GRK5: variants seen among roughly 807,000 people sequenced by gnomAD.
GRK5 encodes G protein-coupled receptor kinase 5.
In GRK5, 40 loss-of-function variants were observed where a neutral mutation model predicts 78.4. The observed-to-expected ratio is 0.51, with a 90% confidence interval of 0.40 to 0.66. The LOEUF is 0.66. Ranked by LOEUF, GRK5 falls within the 30% of genes least tolerant of loss-of-function variation. The pLI is 0.00. For missense variants in GRK5, 598 were observed against 759.9 expected (o/e 0.79, Z 2.50); for synonymous variants, 289 against 296.8 (o/e 0.97, Z 0.27).
intron 1 of GRK5, among the ~76,000 whole-genome samples, chr10:119,294,797 C>T (rs1489036316): frequency 1.3e-5 from 2 of 152,108 alleles, no homozygotes; most frequent in Non-Finnish European, 2.9e-5. Flanking sequence ...TTACATATTG[C>T]CTATGGCTGT....
At chr10:119,310,775 G>A (rs1472260505) in intron 1 of GRK5, among the ~76,000 whole-genome samples, 1 of 152,210 alleles carries the variant, frequency 6.6e-6, no homozygotes, top group East Asian at 1.9e-4. Context: ...CACACAGTGC[G>A]AGGGCTTCAA....
chr10:119,444,563 C>G (rs929765905), intron 12 of GRK5, among the ~76,000 whole-genome samples: 2 of 152,226 alleles, frequency 1.3e-5, no homozygotes, highest in South Asian at 2.1e-4. Flanking sequence ...TGGGGCCCTC[C>G]TCCTTATGGT....
chr10:119,415,899 G>A (rs1480316512), intron 4 of GRK5, among the ~76,000 whole-genome samples: 4 of 152,242 alleles, frequency 2.6e-5, no homozygotes, highest in Non-Finnish European at 5.9e-5. Flanking sequence ...GAAGGGCTGA[G>A]CCCTGAGGGG....
intron 4 of GRK5, among the ~76,000 whole-genome samples, chr10:119,403,831 C>T (rs561100136): frequency 6.6e-6 from 1 of 152,200 alleles, no homozygotes; most frequent in African/African-American, 2.4e-5. Flanking sequence ...ATGGGGTTTT[C>T]GCCACTTTGG....
intron 8 of GRK5, among the ~76,000 whole-genome samples, chr10:119,433,962 A>T (rs1589808213): frequency 6.6e-6 from 1 of 152,244 alleles, no homozygotes; most frequent in Admixed American, 6.5e-5. Flanking sequence ...GTGGCTGGGG[A>T]GGCCTCACAA....
chr10:119,381,073 G>A (rs1851702715), intron 3 of GRK5, 146 bp downstream of exon 3: 3 of 567,186 alleles, frequency 5.3e-6, no homozygotes, highest in Non-Finnish European at 9.5e-6. Flanking sequence ...CTTTGATTAG[G>A]AATGCAAAAT....
chr10:119,380,792 C>T (rs1221855052), intron 2 of GRK5, 23 bp from the exon 3 acceptor site: 1 of 1,482,910 alleles, frequency 6.7e-7, no homozygotes, highest in Non-Finnish European at 9.4e-7. Context: ...GGTCTCATCA[C>T]ATTCTTCTTT....
chr10:119,221,984 G>C (rs1339841000), intron 1 of GRK5, among the ~76,000 whole-genome samples: 1 of 152,164 alleles, frequency 6.6e-6, no homozygotes, highest in Non-Finnish European at 1.5e-5. Flanking sequence ...GATTTTGCAT[G>C]TGTAAATCAG....
At chr10:119,313,040 G>GGTA (rs1850399405) in intron 1 of GRK5, among the ~76,000 whole-genome samples, 1 of 151,370 alleles carries the variant, frequency 6.6e-6, no homozygotes, top group Non-Finnish European at 1.5e-5. Flanking sequence ...CAGTGGTGAT[G>GGTA]GTGGTGGTGG....
chr10:119,215,994 A>G (rs971556354), intron 1 of GRK5, among the ~76,000 whole-genome samples: 3 of 152,244 alleles, frequency 2.0e-5, no homozygotes, highest in African/African-American at 7.2e-5. Flanking sequence ...TAAAGATGCC[A>G]AAGAAACTCA....
intron 1 of GRK5, among the ~76,000 whole-genome samples, chr10:119,239,236 GTTT>G (rs569617800): frequency 2.2e-5 from 3 of 138,808 alleles, no homozygotes; most frequent in African/African-American, 5.3e-5. Context: ...GGAGCAGAAG[GTTT>G]TTTTTTTTTT....
intron 1 of GRK5, among the ~76,000 whole-genome samples, chr10:119,244,436 G>C (rs768400714): frequency 9.2e-5 from 14 of 152,226 alleles, no homozygotes; most frequent in Non-Finnish European, 1.5e-4. Context: ...GAATTGAACA[G>C]ACATTTCTCC....
At chr10:119,223,642 G>A (rs7921442) in intron 1 of GRK5, among the ~76,000 whole-genome samples, 29,023 of 151,298 alleles carry the variant, frequency 0.19, 3,709 homozygotes, top group African/African-American at 0.37. Context: ...GAGACGGGGA[G>A]CTCATACCTT....
At chr10:119,324,056 G>A (rs1333714607) in intron 1 of GRK5, among the ~76,000 whole-genome samples, 1 of 152,244 alleles carries the variant, frequency 6.6e-6, no homozygotes, top group Non-Finnish European at 1.5e-5. Flanking sequence ...CTCACAGGCT[G>A]GGTCCCCAGC....
chr10:119,233,816 A>T (rs151213991), intron 1 of GRK5, among the ~76,000 whole-genome samples: 177 of 152,272 alleles, frequency 1.2e-3, no homozygotes, highest in African/African-American at 4.0e-3. Flanking sequence ...GGCCAGGTGT[A>T]TTTGATATTT....
chr10:119,352,998 A>G (rs1353444790), intron 2 of GRK5, among the ~76,000 whole-genome samples: 1 of 152,218 alleles, frequency 6.6e-6, no homozygotes, highest in Admixed American at 6.5e-5. Flanking sequence ...TCAGGAGGGT[A>G]TGCTGGCCAG....
chr10:119,425,116 G>C, intron 6 of GRK5, 31 bp downstream of exon 6: 1 of 1,431,754 alleles, frequency 7.0e-7, no homozygotes, highest in Non-Finnish European at 9.9e-7. Context: ...ACAGATCAGG[G>C]AGGCAGAGGG....
chr10:119,393,120 G>A (rs1851913423), intron 3 of GRK5, among the ~76,000 whole-genome samples: 1 of 152,254 alleles, frequency 6.6e-6, no homozygotes. Flanking sequence ...GGGGGCCACT[G>A]TGGAGACATG....
At chr10:119,360,201 C>T (rs1459720477) in intron 2 of GRK5, among the ~76,000 whole-genome samples, 2 of 152,180 alleles carry the variant, frequency 1.3e-5, no homozygotes, top group East Asian at 3.8e-4. Flanking sequence ...AAGGACTCTG[C>T]TCTTTGGGTA....
Sources: allele counts gnomAD v4.1 joint callset (sites outside exome capture counted in the v4.1 genomes callset), GRCh38; gene constraint gnomAD v4.1.1; transcripts MANE v1.5; gene names NCBI Gene and HGNC (gene_info 2026-07-23, HGNC 2026-07-21).